Variants in CDH13 observed in about 807,000 individuals in gnomAD.
CDH13 encodes the protein cadherin 13.
A neutral mutation model predicts 63.8 loss-of-function variants in CDH13; 24 were observed. That is an observed-to-expected ratio of 0.38 (90% CI 0.27 to 0.53). The LOEUF (loss-of-function observed/expected upper bound fraction) is 0.53, where lower values mean the gene tolerates loss of function less well. CDH13 is among the 20% of genes least tolerant of loss of function. The pLI, the probability that CDH13 is intolerant of heterozygous loss-of-function variation, is 0.85. For missense variants in CDH13, 1,049 were observed against 903.1 expected, an observed-to-expected ratio of 1.16 and a Z score of -2.07; for synonymous variants, 503 against 355.3, an observed-to-expected ratio of 1.42 and a Z score of -4.67.
intron 1 of CDH13, among the ~76,000 whole-genome samples, chr16:82,764,541 G>A (rs927403502): frequency 6.6e-6 from 1 of 152,038 alleles, no homozygotes; most frequent in Non-Finnish European, 1.5e-5. Flanking sequence ...AGCCTTAGTG[G>A]GATTAAAAAT....
rs35207887 is a variant in CDH13 at position 83,030,640 on chromosome 16, T to TAAAAAAAAA, written c.158-1355_158-1347dup. On this transcript the variant is annotated intron_variant, in intron 2 of 13. Transcript: ENST00000567109. ...TCTGGATGACAGAGCAAGACTCTGT[T>TAAAAAAAAA]AAAAAAAAAAAAAAAAAAAAAAAGC... 2.7e-4 allele frequency among the ~76,000 whole-genome samples: 25 copies of TAAAAAAAAA among 92,896 alleles called. 2 individuals carry two copies. Among genetic ancestry groups the TAAAAAAAAA allele is most frequent in the African/African-American group, 8.1e-4 (18 of 22,140 alleles). 60.9% of individuals were successfully genotyped at this position (92,896 alleles called of 152,430 possible).
chr16:82,639,546 G>C lies in CDH13; in HGVS notation c.45+12409G>C, dbSNP rs61231655. 81 of 878,240 alleles carry C rather than the reference G, an allele frequency of 9.2e-5. No homozygotes were observed. The African/African-American group carries it at 1.3e-3, about 14-fold the overall frequency. 54.4% of individuals were successfully genotyped at this position (878,240 alleles called of 1,614,324 possible). A position where few individuals can be genotyped will look rare whatever the true frequency, so the allele number is the denominator to read the frequency against. On this transcript the variant is annotated intron_variant, in intron 1 of 13. Transcript: ENST00000567109. Reference sequence around the variant, plus strand: ...CTAAGAAACCCTGTTGCCTAAGTCAGTGCTTCCTGCAAGCTACTCTTTGTA... The same window carrying C: ...CTAAGAAACCCTGTTGCCTAAGTCACTGCTTCCTGCAAGCTACTCTTTGTA...
chr16:83,526,107 A>G (rs2074952995), intron 7 of CDH13, among the ~76,000 whole-genome samples: 2 of 152,214 alleles, frequency 1.3e-5, no homozygotes, highest in African/African-American at 4.8e-5. Context: ...TATGAAAGGG[A>G]TGTAACATTC....
chr16:83,763,677 C>T (rs1914156806), intron 11 of CDH13, among the ~76,000 whole-genome samples: 1 of 152,178 alleles, frequency 6.6e-6, no homozygotes. Flanking sequence ...GCCAGTTTAA[C>T]ACCCCTTATC....
intron 1 of CDH13, among the ~76,000 whole-genome samples, chr16:82,856,910 G>A (rs188328000): frequency 2.7e-4 from 41 of 152,160 alleles, no homozygotes; most frequent in Admixed American, 4.6e-4. Flanking sequence ...AGAGGGGTGA[G>A]GGAATTGGGA....
intron 7 of CDH13, among the ~76,000 whole-genome samples, chr16:83,531,420 A>C (rs955038120): frequency 1.3e-5 from 2 of 152,172 alleles, no homozygotes; most frequent in Admixed American, 1.3e-4. Context: ...TACCTTACAC[A>C]GCAACAGAGA....
At chr16:83,423,192 G>T (rs1323225627) in intron 6 of CDH13, among the ~76,000 whole-genome samples, 1 of 152,090 alleles carries the variant, frequency 6.6e-6, no homozygotes, top group Admixed American at 6.6e-5. Flanking sequence ...TTATTGATGA[G>T]CACAGTTTAA....
At chr16:83,005,222 C>G (rs1050907803) in intron 2 of CDH13, among the ~76,000 whole-genome samples, 1 of 152,196 alleles carries the variant, frequency 6.6e-6, no homozygotes, top group Non-Finnish European at 1.5e-5. Flanking sequence ...CCCTTCACAG[C>G]TGGACATTGC....
At chr16:83,034,927 T>C (rs140160211) in intron 3 of CDH13, among the ~76,000 whole-genome samples, 43 of 152,212 alleles carry the variant, frequency 2.8e-4, no homozygotes, top group Non-Finnish European at 5.4e-4. Context: ...TTGCCTGTGA[T>C]TGTTTTTGCT....
At chr16:83,424,291 G>A (rs113627268) in intron 6 of CDH13, among the ~76,000 whole-genome samples, 2 of 150,142 alleles carry the variant, frequency 1.3e-5, no homozygotes, top group African/African-American at 2.4e-5. Flanking sequence ...ACATGGACTG[G>A]ACAGTCTAGA....
At chr16:82,684,838 C>T (rs1429534778) in intron 1 of CDH13, among the ~76,000 whole-genome samples, 2 of 152,212 alleles carry the variant, frequency 1.3e-5, no homozygotes, top group African/African-American at 4.8e-5. Flanking sequence ...TTTCTTAAGG[C>T]CACAGCCTCC....
chr16:82,791,344 G>T (rs1224759985), intron 1 of CDH13, among the ~76,000 whole-genome samples: 2 of 152,002 alleles, frequency 1.3e-5, no homozygotes, highest in Non-Finnish European at 2.9e-5. Flanking sequence ...AAATCAGGTT[G>T]TAAAGAGGGT....
rs2035876339 is a variant in CDH13 at position 83,127,775 on chromosome 16, G to C, written c.483+2274G>C. On this transcript the variant is annotated intron_variant, in intron 4 of 13. Transcript: ENST00000567109. ...CGATCTTTATTGCAAATTGAAAGAAGTGCTAATCCAATATCCTGGTAATCA... is the reference window on the plus strand; with the variant it reads ...CGATCTTTATTGCAAATTGAAAGAACTGCTAATCCAATATCCTGGTAATCA... Among the ~76,000 whole-genome samples the C allele has an allele frequency of 2.0e-5, 3 of 152,260 alleles. No individual in the cohort carries two copies. The South Asian group carries it at 6.2e-4, about 32-fold the overall frequency.
At chr16:82,830,752 G>T (rs2038499920) in intron 1 of CDH13, among the ~76,000 whole-genome samples, 1 of 152,122 alleles carries the variant, frequency 6.6e-6, no homozygotes, top group African/African-American at 2.4e-5. Flanking sequence ...CTTGTTTTAT[G>T]CATAAAAGAA....
At chr16:83,649,417 G>A (rs867541010) in intron 8 of CDH13, among the ~76,000 whole-genome samples, 1 of 152,140 alleles carries the variant, frequency 6.6e-6, no homozygotes, top group Non-Finnish European at 1.5e-5. Context: ...GGAAATACGG[G>A]CCCCTCTTGT....
At chr16:82,727,573 G>T (rs537460510) in intron 1 of CDH13, 1 of 152,130 alleles carries the variant, frequency 6.6e-6, no homozygotes, top group South Asian at 2.1e-4. Flanking sequence ...GATTTAAAGG[G>T]TAAGAGCTCA....
chr16:83,147,476 A>G (rs971404917), intron 4 of CDH13, among the ~76,000 whole-genome samples: 3 of 152,144 alleles, frequency 2.0e-5, no homozygotes. Flanking sequence ...ACCTCAAGTC[A>G]TTTCTGATCT....
rs75914631 is a variant in CDH13 at position 83,360,626 on chromosome 16, T to A, written c.781+15620T>A. On this transcript the variant is annotated intron_variant, in intron 6 of 13. Transcript: ENST00000567109. The stretch of plus-strand genomic sequence containing the variant: ...ACCCTTTCTCACCAGCACCCTCCGC[T>A]AGTCCCCAGCGTCTGTTATTGCCAT... Among the ~76,000 whole-genome samples the A allele has an allele frequency of 4.4e-3, 677 of 152,300 alleles. 5 individuals carry two copies. The highest frequency in any genetic ancestry group is 0.015 in the African/African-American group (643 of 41,574).
At chr16:83,676,086 G>A (rs889947882) in intron 9 of CDH13, among the ~76,000 whole-genome samples, 1 of 152,148 alleles carries the variant, frequency 6.6e-6, no homozygotes, top group Non-Finnish European at 1.5e-5. Flanking sequence ...AGGAGAGGAG[G>A]AGGGAGGGAG....
Sources: allele counts gnomAD v4.1 joint callset (sites outside exome capture counted in the v4.1 genomes callset), GRCh38; gene constraint gnomAD v4.1.1; transcripts MANE v1.5; gene names NCBI Gene and HGNC (gene_info 2026-07-23, HGNC 2026-07-21).